The following CRB2 variants were observed in gnomAD, a reference collection of about 807,000 sequenced individuals.
The protein encoded by CRB2 is protein crumbs homolog 2.
A neutral mutation model predicts 110.9 loss-of-function variants in CRB2; 85 were observed. The observed-to-expected ratio is 0.77, with a 90% CI of 0.64 to 0.92. CRB2 has a LOEUF of 0.92. Ranked by LOEUF, CRB2 falls within the 40% of genes least tolerant of loss-of-function variation. The probability of loss-of-function intolerance (pLI) is 0.00; values close to 1 mark genes in which losing one functional copy is unlikely to be tolerated. For missense variants in CRB2, 1,843 were observed against 1,851.3 expected (o/e 1.00, Z 0.08); for synonymous variants, 907 against 831.0 (o/e 1.09, Z -1.57).
In CRB2 at chr9:123,370,524, G is replaced by A; in HGVS notation, c.1471G>A (p.Ala491Thr). 6.2e-7 allele frequency: 1 copy of A among 1,613,516 alleles called. No individual in the cohort carries two copies. The highest frequency in any genetic ancestry group is 8.5e-7 in the Non-Finnish European group (1 of 1,180,032). The change falls in exon 7 of 13, where the codon GCC (alanine) becomes ACC (threonine). Residue 491 changes from alanine to threonine, a missense_variant. By Grantham distance (58) the Ala-to-Thr change is moderately conservative (BLOSUM62 0). Transcript: ENST00000373631. ...KESLELALVAATLQATLWSYS... is the reference protein window; with the variant it reads ...KESLELALVATTLQATLWSYS... ...AAGCTTGGAGCTGGCATTGGTGGCA[G>A]CCACACTTCAGGCCACACTCTGGAG...
At chr9:123,368,039 C>A (rs538601016) in intron 6 of CRB2, among the ~76,000 whole-genome samples, 59 of 152,112 alleles carry the variant, frequency 3.9e-4, no homozygotes, top group African/African-American at 1.4e-3. Context: ...TGACTCTGAC[C>A]TTTGGGGAGC....
chr9:123,373,319 G>C lies in CRB2; in HGVS notation c.2788G>C (p.Ala930Pro). Reference protein sequence around the residue: ...VWLAVRNGSLAGGVRGGHGLP... With the variant: ...VWLAVRNGSLPGGVRGGHGLP... ...GCTGGCGGTGCGCAATGGCTCGCTGGCGGGGGGCGTGCGCGGAGGCCATGG... is the reference window on the plus strand; with the variant it reads ...GCTGGCGGTGCGCAATGGCTCGCTGCCGGGGGGCGTGCGCGGAGGCCATGG... The change falls in exon 10 of 13, where the codon GCG becomes CCG. Residue 930 changes from alanine (A) to proline (P), a missense_variant. Coordinates refer to ENST00000373631, the MANE Select transcript of CRB2 (RefSeq NM_173689.7). The C allele has an allele frequency of 6.9e-7, 1 of 1,451,822 alleles. No individual in the cohort carries two copies. Among genetic ancestry groups the C allele is most frequent in the Non-Finnish European group, 9.0e-7 (1 of 1,111,380 alleles). The allele number at this position is 1,451,822 out of a possible 1,614,324, so 89.9% of individuals were successfully genotyped here.
chr9:123,372,109 C>A, intron 8 of CRB2, 68 bp from the exon 9 acceptor site: 1 of 1,509,630 alleles, frequency 6.6e-7, no homozygotes, highest in Non-Finnish European at 9.2e-7. Context: ...AGAAGCACTG[C>A]AATGCCAGTT....
chr9:123,366,911 C>CTCCA (rs902300474), intron 4 of CRB2, among the ~76,000 whole-genome samples: 8 of 148,832 alleles, frequency 5.4e-5, no homozygotes, highest in Non-Finnish European at 8.9e-5. Context: ...TGCCGCTGCA[C>CTCCA]TCCAGCCTGG....
chr9:123,356,734 G>T (rs1761066323), intron 1 of CRB2, among the ~76,000 whole-genome samples: 1 of 152,050 alleles, frequency 6.6e-6, no homozygotes, highest in Non-Finnish European at 1.5e-5. Context: ...GGAGTTGCAG[G>T]TGGCATAAGC....
intron 12 of CRB2, 96 bp downstream of exon 12, chr9:123,375,439 C>T: frequency 7.2e-7 from 1 of 1,382,408 alleles, no homozygotes; most frequent in African/African-American, 1.5e-5. Context: ...GGGGCTGTTC[C>T]TGGGCCACTC....
intron 8 of CRB2, 96 bp downstream of exon 8, chr9:123,371,674 G>A: frequency 1.3e-6 from 2 of 1,529,100 alleles, no homozygotes; most frequent in Non-Finnish European, 8.9e-7. Flanking sequence ...TTTTGCTGAT[G>A]AGGAAACTGA....
chr9:123,355,204 G>A (rs2041784554), upstream of CRB2, among the ~76,000 whole-genome samples: 1 of 152,178 alleles, frequency 6.6e-6, no homozygotes, highest in South Asian at 2.1e-4. Flanking sequence ...CCTGAACCAG[G>A]TCCCCCTGAA....
intron 6 of CRB2, chr9:123,368,826 C>G (rs1436515146): frequency 2.4e-6 from 3 of 1,239,990 alleles, no homozygotes. Context: ...GCAGGGAGCT[C>G]TGCCTCCTCC....
intron 1 of CRB2, among the ~76,000 whole-genome samples, chr9:123,361,136 G>GA (rs56286445): frequency 0.14 from 16,740 of 123,408 alleles, 1,573 homozygotes; most frequent in Admixed American, 0.22. Context: ...GATGGGCGGG[G>GA]AGGGGGGGGG....
chr9:123,362,239 G>C (rs1032170454), intron 1 of CRB2, among the ~76,000 whole-genome samples: 12 of 152,158 alleles, frequency 7.9e-5, no homozygotes, highest in Admixed American at 7.2e-4. Flanking sequence ...ATCCTCCAGA[G>C]GTTGAGGTCG....
In CRB2 at chr9:123,363,142, C is replaced by T. The variant is rs748269650; in HGVS notation, c.372C>T (p.Arg124=). 3.1e-6 allele frequency: 5 copies of T among 1,610,990 alleles called. No individual in the cohort carries two copies. The highest frequency in any genetic ancestry group is 3.4e-6 in the Non-Finnish European group (4 of 1,179,250). Residue 124 remains arginine (R), a synonymous_variant, in exon 2 of 13, where the codon CGC becomes CGT. Transcript: ENST00000373631. ...SRPCHHGATC[R]NLADRYECHC... ...CGTGCCACCATGGGGCCACCTGCCG[C>T]AACCTGGCCGATCGCTACGAGTGCC...
rs573018116 is a variant in CRB2, at chr9:123,365,272, A to G, written c.419-645A>G. Among the ~76,000 whole-genome samples the G allele has an allele frequency of 3.9e-5, 6 of 152,242 alleles. No individual in the cohort carries two copies. The South Asian group carries it at 6.2e-4, about 16-fold the overall frequency. On this transcript the variant is annotated intron_variant, in intron 2 of 12. Transcript: ENST00000373631. Reference sequence around the variant, plus strand: ...AGTGAGACTCTGTCTCAAAAAAATAAAAAACAAAAACAAACCCAAAACAAC... The same window carrying G: ...AGTGAGACTCTGTCTCAAAAAAATAGAAAACAAAAACAAACCCAAAACAAC...
intron 6 of CRB2, chr9:123,368,649 T>C (rs1221193106): frequency 2.6e-6 from 1 of 383,242 alleles, no homozygotes; most frequent in African/African-American, 2.2e-5. Context: ...GAGCTCACTG[T>C]TGGGTGACAG....
At chr9:123,366,409 G>C in intron 4 of CRB2, 43 bp downstream of exon 4, 1 of 1,505,888 alleles carries the variant, frequency 6.6e-7, no homozygotes, top group Non-Finnish European at 8.7e-7. Context: ...GGAGGGGTAG[G>C]TGTGCGCCTG....
At chr9:123,360,839 C>A (rs968203653) in intron 1 of CRB2, among the ~76,000 whole-genome samples, 5 of 152,150 alleles carry the variant, frequency 3.3e-5, no homozygotes, top group Admixed American at 6.5e-5. Flanking sequence ...TGAGATGACA[C>A]ATGAAAGATG....
rs1367486151 is a variant in CRB2 at position 123,356,326 on chromosome 9, C to G, written c.66C>G (p.Leu22=). The G allele has an allele frequency of 6.5e-7, 1 of 1,547,860 alleles. No homozygotes were observed. Among genetic ancestry groups the G allele is most frequent in the Non-Finnish European group, 8.7e-7 (1 of 1,146,110 alleles). Residue 22 remains leucine, a synonymous_variant, in exon 1 of 13, where the codon CTC becomes CTG. Transcript: ENST00000373631. The stretch of plus-strand genomic sequence containing the variant: ...TGGCCTCTGTCCTGCTACTGCTGCT[C>G]TGGGCCCCTGCCCTTTCCCTCCTGG... The part of the protein sequence containing the change: ...QALASVLLLL[L]WAPALSLLAG...
chr9:123,367,439 C>A (rs2041952166), intron 5 of CRB2, 82 bp downstream of exon 5: 1 of 987,024 alleles, frequency 1.0e-6, no homozygotes, highest in Non-Finnish European at 1.4e-6. Flanking sequence ...ACCCCCCCCA[C>A]CCCCCCACCC....
In CRB2 at chr9:123,366,397, G is replaced by A. The variant is rs561611510; in HGVS notation, c.754+31G>A. 56 of 1,527,576 alleles carry A rather than the reference G, an allele frequency of 3.7e-5. No homozygotes were observed. The African/African-American group carries it at 5.7e-4, about 16-fold the overall frequency. The allele number at this position is 1,527,576 out of a possible 1,614,324, so 94.6% of individuals were successfully genotyped here. ...TGCGTGCAGGTGCGCGGCCTGGCGGGGGGAGGGGTAGGTGTGCGCCTGTGC... is the reference window on the plus strand; with the variant it reads ...TGCGTGCAGGTGCGCGGCCTGGCGGAGGGAGGGGTAGGTGTGCGCCTGTGC... On this transcript the variant is annotated intron_variant, in intron 4 of 12. Transcript: ENST00000373631.
Sources: allele counts gnomAD v4.1 joint callset (sites outside exome capture counted in the v4.1 genomes callset), GRCh38; gene constraint gnomAD v4.1.1; transcripts MANE v1.5; gene names NCBI Gene and HGNC (gene_info 2026-07-23, HGNC 2026-07-21).